TEX14: variants seen among roughly 807,000 people sequenced by gnomAD.
TEX14 encodes testis expressed 14, intercellular bridge forming factor, also known as inactive serine/threonine-protein kinase TEX14.
Under a neutral mutation model 178.6 loss-of-function variants are expected in TEX14, and 168 were observed. The observed-to-expected ratio is 0.94, with a 90% CI of 0.83 to 1.07. The LOEUF (loss-of-function observed/expected upper bound fraction) is 1.07. Among genes scored for constraint, TEX14 ranks in the 50% least tolerant of loss-of-function variants. The pLI is 0.00. For missense variants in TEX14, 1,730 were observed against 1,753.6 expected (o/e 0.99, Z 0.24); for synonymous variants, 626 against 634.1 (o/e 0.99, Z 0.19).
chr17:58,593,604 G>T lies in TEX14; in HGVS notation c.2527C>A (p.Gln843Lys). 1 of 1,614,098 alleles carries T rather than the reference G, an allele frequency of 6.2e-7. No homozygotes were observed. Among genetic ancestry groups the T allele is most frequent in the Non-Finnish European group, 8.5e-7 (1 of 1,180,002 alleles). ...GTTTCCAAACTGTCCTTGGCTCCTT[G>T]AGTGCACTGAAATTGTTCATCTGTG... ...QNTDEQFQCT[Q>K]GAKDSLETSR... The change falls in exon 15 of 32, where the codon CAA (glutamine) becomes AAA (lysine). Residue 843 changes from glutamine to lysine, a missense_variant. Coordinates refer to ENST00000349033, the MANE Select transcript of TEX14 (RefSeq NM_031272.5).
chr17:58,595,959 C>T (rs756410593), intron 14 of TEX14, among the ~76,000 whole-genome samples: 46 of 152,246 alleles, frequency 3.0e-4, no homozygotes, highest in Middle Eastern at 3.4e-3. Context: ...CCAAGGTGGG[C>T]GGATCACAAG....
At chr17:58,607,577 GT>G (rs1198807234) in intron 10 of TEX14, among the ~76,000 whole-genome samples, 1 of 152,160 alleles carries the variant, frequency 6.6e-6, no homozygotes, top group Non-Finnish European at 1.5e-5. Flanking sequence ...GGGTGCCTCA[GT>G]TTCCTCAACT....
chr17:58,690,352 G>A (rs139488488), intron 1 of TEX14, among the ~76,000 whole-genome samples: 2,471 of 152,156 alleles, frequency 0.016, 38 homozygotes, highest in South Asian at 0.042. Context: ...TTTTTGTAGA[G>A]ATGGGGTTTT....
chr17:58,609,456 T>C (rs2045694973), intron 10 of TEX14, among the ~76,000 whole-genome samples: 1 of 152,190 alleles, frequency 6.6e-6, no homozygotes, highest in Admixed American at 6.5e-5. Context: ...TTGGTCAGGC[T>C]GGTATTGAAC....
At chr17:58,628,107 C>T (rs1296362128) in intron 3 of TEX14, among the ~76,000 whole-genome samples, 3 of 151,872 alleles carry the variant, frequency 2.0e-5, no homozygotes, top group Non-Finnish European at 2.9e-5. Context: ...GCCAGTAGAG[C>T]GTGTGTGAGT....
chr17:58,638,701 C>A (rs1370764250), intron 2 of TEX14, among the ~76,000 whole-genome samples: 1 of 151,366 alleles, frequency 6.6e-6, no homozygotes, highest in Admixed American at 6.6e-5. Context: ...ACGACGCCTG[C>A]CTAATTTTTT....
chr17:58,561,942 C>T lies in TEX14; in HGVS notation c.4065-330G>A, dbSNP rs564663007. Among the ~76,000 whole-genome samples the T allele has an allele frequency of 1.1e-4, 16 of 152,044 alleles. No individual in the cohort carries two copies. The East Asian group carries it at 1.8e-3, about 17-fold the overall frequency. On this transcript the variant is annotated intron_variant, in intron 28 of 31. Coordinates refer to ENST00000349033, the MANE Select transcript of TEX14 (RefSeq NM_031272.5). ...CTCTACTACAAATACAAAAATCAGC[C>T]GGCGTGGTCGCGTGCGCCTGTAATC...
intron 2 of TEX14, among the ~76,000 whole-genome samples, chr17:58,638,113 G>T (rs2046481786): frequency 6.6e-6 from 1 of 151,876 alleles, no homozygotes; most frequent in African/African-American, 2.4e-5. Flanking sequence ...ACCTGCCTCA[G>T]CCTCCCAGAA....
intron 2 of TEX14, 25 bp downstream of exon 2, chr17:58,651,841 T>C (rs1243366067): frequency 6.3e-7 from 1 of 1,590,106 alleles, no homozygotes; most frequent in Non-Finnish European, 8.5e-7. Context: ...CCAAGGTGCA[T>C]CTGCCATCTC....
intron 18 of TEX14, 55 bp downstream of exon 18, chr17:58,585,746 G>A (rs1371050221): frequency 1.2e-5 from 18 of 1,520,546 alleles, no homozygotes; most frequent in Admixed American, 3.5e-5. Flanking sequence ...GAGCCACCTC[G>A]CCCGACTGAT....
At chr17:58,576,353 C>T (rs2044675212) in intron 21 of TEX14, among the ~76,000 whole-genome samples, 1 of 152,098 alleles carries the variant, frequency 6.6e-6, no homozygotes, top group Non-Finnish European at 1.5e-5. Flanking sequence ...GGTGTGGTGG[C>T]ACATGCCTAT....
intron 5 of TEX14, 30 bp downstream of exon 5, chr17:58,621,620 C>T (rs1384139791): frequency 6.3e-7 from 1 of 1,587,214 alleles, no homozygotes; most frequent in Admixed American, 1.8e-5. Context: ...GTGATGGAGA[C>T]TATCCCACTC....
intron 9 of TEX14, among the ~76,000 whole-genome samples, chr17:58,613,159 G>A (rs926933666): frequency 1.2e-4 from 18 of 150,862 alleles, no homozygotes; most frequent in African/African-American, 1.5e-4. Flanking sequence ...CCAAGATCGC[G>A]CCACTGCACT....
At chr17:58,577,575 T>C in intron 20 of TEX14, 119 bp from the exon 21 acceptor site, 1 of 365,000 alleles carries the variant, frequency 2.7e-6, no homozygotes. Context: ...TTAGAAATAA[T>C]CTGGATAAAC....
intron 17 of TEX14, among the ~76,000 whole-genome samples, chr17:58,587,003 T>G (rs1407736199): frequency 6.6e-6 from 1 of 152,252 alleles, no homozygotes; most frequent in East Asian, 1.9e-4. Context: ...CAGCCACCTG[T>G]GACCCTGAAC....
At chr17:58,663,683 G>T (rs1446346588) in intron 1 of TEX14, among the ~76,000 whole-genome samples, 2 of 152,022 alleles carry the variant, frequency 1.3e-5, no homozygotes, top group Non-Finnish European at 2.9e-5. Context: ...GGCCAGGCTG[G>T]TCTTGAACTC....
intron 1 of TEX14, among the ~76,000 whole-genome samples, chr17:58,687,592 C>A (rs1228054742): frequency 6.6e-6 from 1 of 151,834 alleles, no homozygotes; most frequent in African/African-American, 2.4e-5. Flanking sequence ...CTAAGCCTCC[C>A]AAAATGCTGG....
chr17:58,605,812 T>C (rs1463361987), intron 10 of TEX14, among the ~76,000 whole-genome samples: 1 of 152,228 alleles, frequency 6.6e-6, no homozygotes, highest in Non-Finnish European at 1.5e-5. Context: ...CCTGTTTTAT[T>C]GGTTTCAGAG....
rs1229449683 is a variant in TEX14, at chr17:58,652,628, A to G, written c.-1-626T>C. Among the ~76,000 whole-genome samples, 3 of 152,312 alleles carry G rather than the reference A, an allele frequency of 2.0e-5. No individual in the cohort carries two copies. The East Asian group carries it at 5.8e-4, about 29-fold the overall frequency. On this transcript the variant is annotated intron_variant, in intron 1 of 31. Coordinates refer to ENST00000349033, the MANE Select transcript of TEX14 (RefSeq NM_031272.5). ...TTATTAGCAGCACAAGAACAGACTA[A>G]TACAATATTTGTCACTAATTCCCAG...
Sources: gnomAD v4.1 joint callset for allele counts (sites outside exome capture counted in the v4.1 genomes callset) on GRCh38, gnomAD v4.1.1 for gene constraint, MANE v1.5 for transcripts, NCBI Gene and HGNC (gene_info 2026-07-23, HGNC 2026-07-21) for gene names.